PCDHGB5: variants seen among roughly 807,000 people sequenced by gnomAD.
PCDHGB5 encodes the protein protocadherin gamma subfamily B, 5.
PCDHGB5 carries 48 observed loss-of-function variants against 62.9 expected under a neutral mutation model. That is an observed-to-expected ratio of 0.76 (90% CI 0.61 to 0.97). PCDHGB5 has a LOEUF of 0.97. Among genes scored for constraint, PCDHGB5 ranks in the 50% least tolerant of loss-of-function variants. PCDHGB5 has a pLI of 0.00. For missense variants in PCDHGB5, 1,118 were observed against 1,198.6 expected, an observed-to-expected ratio of 0.93 and a Z score of 0.99; for synonymous variants, 474 against 511.2, an observed-to-expected ratio of 0.93 and a Z score of 0.98.
Position 141,431,628 on chromosome 5 carries a change from A to T in PCDHGB5, c.2397+31104A>T, listed in dbSNP as rs1204083567. The T allele has an allele frequency of 6.2e-7, 1 of 1,614,138 alleles. No individual in the cohort carries two copies. Among genetic ancestry groups the T allele is most frequent in the Non-Finnish European group, 8.5e-7 (1 of 1,180,058 alleles). ...CGGTATGTGGACGACAAGGCGGCCC[A>T]AGTTTTCAAACTAGATTGTAATTCA... On this transcript the variant is annotated intron_variant, in intron 1 of 3. Coordinates refer to ENST00000617380, the MANE Select transcript of PCDHGB5 (RefSeq NM_018925.3). The surrounding 1 kb of genome is among the most constrained non-coding windows in gnomAD (Gnocchi z 4.8).
At chr5:141,458,103 T>TA (rs1401283935) in intron 1 of PCDHGB5, among the ~76,000 whole-genome samples, 2 of 152,212 alleles carry the variant, frequency 1.3e-5, no homozygotes, top group Non-Finnish European at 2.9e-5. Context: ...TACTTACAGA[T>TA]AGTCTCCAAA....
intron 1 of PCDHGB5, among the ~76,000 whole-genome samples, chr5:141,456,745 A>T (rs573105679): frequency 6.6e-6 from 1 of 151,920 alleles, no homozygotes; most frequent in South Asian, 2.1e-4. Context: ...CGGGAGCATC[A>T]TGAGGTCAGG....
chr5:141,423,874 A>G (rs1264795133), intron 1 of PCDHGB5: 2 of 1,283,268 alleles, frequency 1.6e-6, no homozygotes, highest in East Asian at 3.1e-5. Context: ...GTCATTTTTC[A>G]ATCTTGGCAT....
intron 1 of PCDHGB5, chr5:141,422,314 C>T: frequency 6.5e-7 from 1 of 1,547,838 alleles, no homozygotes; most frequent in Non-Finnish European, 8.7e-7. Context: ...AAACTCTCCT[C>T]CAGGTACAGT....
chr5:141,449,854 T>C (rs769118919), intron 1 of PCDHGB5, among the ~76,000 whole-genome samples: 7 of 151,974 alleles, frequency 4.6e-5, no homozygotes, highest in South Asian at 4.1e-4. Context: ...ATTTTAATAA[T>C]AAAAATCAGA....
At chr5:141,403,686 G>T in intron 1 of PCDHGB5, 1 of 1,613,824 alleles carries the variant, frequency 6.2e-7, no homozygotes, top group Non-Finnish European at 8.5e-7. Context: ...TTTGCTCAAC[G>T]GATTTACCGA....
At chr5:141,470,469 A>T (rs1423801455) in intron 1 of PCDHGB5, among the ~76,000 whole-genome samples, 1 of 152,194 alleles carries the variant, frequency 6.6e-6, no homozygotes, top group Non-Finnish European at 1.5e-5. Context: ...ATTTTCTGAT[A>T]TTACTAACCC....
chr5:141,495,199 G>A (rs1205495643), intron 2 of PCDHGB5, among the ~76,000 whole-genome samples: 1 of 152,164 alleles, frequency 6.6e-6, no homozygotes, highest in African/African-American at 2.4e-5. Context: ...CCCATGTACT[G>A]CCTAACCCCC....
rs550161736 is a variant in PCDHGB5, at chr5:141,427,826, G to T, written c.2397+27302G>T. ...GCGCACAGAGCGGGGTGGTGGTCGCGCAGCGTGCCTTCGACCACGAGCAGC... is the reference window on the plus strand; with the variant it reads ...GCGCACAGAGCGGGGTGGTGGTCGCTCAGCGTGCCTTCGACCACGAGCAGC... On this transcript the variant is annotated intron_variant, in intron 1 of 3. Coordinates refer to ENST00000617380, the MANE Select transcript of PCDHGB5 (RefSeq NM_018925.3). The T allele has an allele frequency of 2.6e-6, 4 of 1,536,502 alleles. No individual in the cohort carries two copies. The East Asian group carries it at 6.8e-5, about 26-fold the overall frequency.
At chr5:141,450,190 G>A (rs1368992094) in intron 1 of PCDHGB5, among the ~76,000 whole-genome samples, 1 of 151,588 alleles carries the variant, frequency 6.6e-6, no homozygotes, top group African/African-American at 2.4e-5. Flanking sequence ...GCTAATTTTT[G>A]TATTTTTAGT....
At chr5:141,410,746 C>T in intron 1 of PCDHGB5, 1 of 1,269,920 alleles carries the variant, frequency 7.9e-7, no homozygotes, top group Non-Finnish European at 1.1e-6. Flanking sequence ...ACAATATTTT[C>T]TCAATGTTTT....
In PCDHGB5 at chr5:141,432,112, C is replaced by T; in HGVS notation, c.2397+31588C>T. ...CAGACACCAACGACAACCCGCCGGT[C>T]TTCCCTCAGGCCTCCTATTCCGCTT... On this transcript the variant is annotated intron_variant, in intron 1 of 3. Transcript: ENST00000617380. The surrounding 1 kb of genome is among the most constrained non-coding windows in gnomAD (Gnocchi z 6.0). 1 of 1,614,186 alleles carries T rather than the reference C, an allele frequency of 6.2e-7. No individual in the cohort carries two copies. The highest frequency in any genetic ancestry group is 8.5e-7 in the Non-Finnish European group (1 of 1,180,042).
At chr5:141,421,579 T>A (rs753573473) in intron 1 of PCDHGB5, 1 of 1,613,934 alleles carries the variant, frequency 6.2e-7, no homozygotes, top group Non-Finnish European at 8.5e-7. Flanking sequence ...CTTGAAGATT[T>A]ACGGAGTGGA....
intron 1 of PCDHGB5, chr5:141,428,211 C>T (rs777952475): frequency 2.2e-5 from 28 of 1,284,198 alleles, no homozygotes; most frequent in South Asian, 4.9e-5. Flanking sequence ...CTACGCTTCA[C>T]CTAGTCTTCG....
At chr5:141,427,266 G>A (rs753905641) in intron 1 of PCDHGB5, 15 of 456,620 alleles carry the variant, frequency 3.3e-5, no homozygotes, top group Non-Finnish European at 5.7e-5. Context: ...CATGACCAGC[G>A]AATGTAAAAT....
intron 1 of PCDHGB5, chr5:141,427,624 C>T (rs2097051687): frequency 1.4e-6 from 1 of 698,516 alleles, no homozygotes; most frequent in South Asian, 1.5e-5. Context: ...AACGACAATG[C>T]TCCGGTTTTC....
intron 1 of PCDHGB5, among the ~76,000 whole-genome samples, chr5:141,443,812 G>A (rs1441798548): frequency 6.6e-6 from 1 of 151,990 alleles, no homozygotes; most frequent in Admixed American, 6.6e-5. Flanking sequence ...AGTTACCTTT[G>A]GAAAACATAA....
rs753051237 is a variant in PCDHGB5, at chr5:141,490,422, A to G, written c.2398-4385A>G. On this transcript the variant is annotated intron_variant, in intron 1 of 3. Coordinates refer to ENST00000617380, the MANE Select transcript of PCDHGB5 (RefSeq NM_018925.3). This position sits in a 1 kb window ranked among gnomAD's most constrained non-coding sequence, Gnocchi z 5.4. Reference sequence around the variant, plus strand: ...GCCTTGATATCTCTCCGGACCTGCCATTTCAGATTAAGCCTTCTGAGAACC... The same window carrying G: ...GCCTTGATATCTCTCCGGACCTGCCGTTTCAGATTAAGCCTTCTGAGAACC... 1 of 1,614,178 alleles carries G rather than the reference A, an allele frequency of 6.2e-7. No individual in the cohort carries two copies. The highest frequency in any genetic ancestry group is 1.7e-5 in the Admixed American group (1 of 60,030).
chr5:141,505,371 C>T (rs2099845827), intron 2 of PCDHGB5, 22 bp from the exon 3 acceptor site: 4 of 1,613,980 alleles, frequency 2.5e-6, no homozygotes, highest in Non-Finnish European at 3.4e-6. Context: ...AGTCTGTGCT[C>T]ACCATCCTAC....
Sources: allele counts gnomAD v4.1 joint callset (sites outside exome capture counted in the v4.1 genomes callset), GRCh38; gene constraint gnomAD v4.1.1; non-coding constraint Gnocchi (gnomAD v3.1); transcripts MANE v1.5; gene names NCBI Gene and HGNC (gene_info 2026-07-23, HGNC 2026-07-21).